Variants in SPP2 observed in about 807,000 individuals in gnomAD.
The protein encoded by SPP2 is secreted phosphoprotein 2.
A neutral mutation model predicts 28.8 loss-of-function variants in SPP2; 34 were observed. The observed-to-expected ratio is 1.18, with a 90% CI of 0.90 to 1.57. The LOEUF is 1.57. SPP2 is among the 40% of genes most tolerant of loss of function. The pLI is 0.00. For synonymous variants in SPP2, 96 were observed against 89.4 expected (o/e 1.07, Z -0.42); for missense variants, 269 against 263.9 (o/e 1.02, Z -0.13).
rs187997065 is a variant in SPP2 at position 234,062,191 on chromosome 2, T to C, written c.444+1712T>C. ...GGTGCCCACTAAGCAGGAATTACCC[T>C]ATCAGGCAGGCACTGGGGGCCACAT... On this transcript the variant is annotated intron_variant, in intron 4 of 7. Transcript: ENST00000168148. Among the ~76,000 whole-genome samples the C allele has an allele frequency of 8.7e-3, 1,324 of 151,938 alleles. 18 individuals carry two copies. The highest frequency in any genetic ancestry group is 0.031 in the African/African-American group (1,279 of 41,454).
chr2:234,051,550 G>A (rs767589586), intron 2 of SPP2, among the ~76,000 whole-genome samples: 7 of 152,186 alleles, frequency 4.6e-5, no homozygotes, highest in Non-Finnish European at 7.3e-5. Context: ...AGCTTTGGGA[G>A]CTAAAGAAAG....
intron 2 of SPP2, chr2:234,055,955 TTTGTTACATATATATACATG>T (rs1345204535): frequency 6.6e-6 from 1 of 152,108 alleles, no homozygotes; most frequent in Admixed American, 6.6e-5. Flanking sequence ...AACGTGCAGG[TTTGTTACATATATATACATG>T]TGCTATGTTG....
intron 7 of SPP2, among the ~76,000 whole-genome samples, chr2:234,075,176 G>C (rs1690872018): frequency 6.6e-6 from 1 of 152,138 alleles, no homozygotes; most frequent in Admixed American, 6.5e-5. Flanking sequence ...GAATGAGTGA[G>C]AAAGAACCAT....
intron 4 of SPP2, 41 bp downstream of exon 4, chr2:234,060,520 A>C: frequency 6.6e-7 from 1 of 1,514,282 alleles, no homozygotes; most frequent in South Asian, 1.1e-5. Flanking sequence ...CGCACCTCTT[A>C]GGGTCTGTGT....
chr2:234,053,838 G>A (rs1693549383), intron 2 of SPP2, among the ~76,000 whole-genome samples: 1 of 151,996 alleles, frequency 6.6e-6, no homozygotes, highest in Non-Finnish European at 1.5e-5. Flanking sequence ...GCCCTATGCT[G>A]GGGAGGGGGA....
At position 234,075,977 on chromosome 2, in the gene SPP2, T is replaced by C. The variant is rs186546694; in HGVS notation, c.*11-868T>C. On this transcript the variant is annotated intron_variant, in intron 7 of 7. Coordinates refer to ENST00000168148, the MANE Select transcript of SPP2 (RefSeq NM_006944.3). ...CTTGCTCCGAAATGTTTCACAGCTC[T>C]GTCCTTTTCGAGCTGTTGGCTCCAG... Among the ~76,000 whole-genome samples, 940 of 152,336 alleles carry C rather than the reference T, an allele frequency of 6.2e-3. 11 individuals are homozygous for C. Among genetic ancestry groups the C allele is most frequent in the African/African-American group, 0.02 (844 of 41,576 alleles).
In SPP2 at chr2:234,060,461, G is replaced by C. The variant is rs369042998; in HGVS notation, c.426G>C (p.Glu142Asp). The change falls in exon 4 of 8, where the codon GAG becomes GAC. Residue 142 changes from glutamate to aspartate, a missense_variant. By Grantham distance (45) the Glu-to-Asp change is conservative. Transcript: ENST00000168148. ...ARCSWSSSTS[E>D]SYSSEEMIFG... Reference sequence around the variant, plus strand: ...GCAGCTGGTCCTCCTCCACGTCTGAGTCTTACAGCAGCGAAGAGGTATGAC... The same window carrying C: ...GCAGCTGGTCCTCCTCCACGTCTGACTCTTACAGCAGCGAAGAGGTATGAC... 3 of 1,613,660 alleles carry C rather than the reference G, an allele frequency of 1.9e-6. No individual in the cohort carries two copies. Among genetic ancestry groups the C allele is most frequent in the Non-Finnish European group, 2.5e-6 (3 of 1,179,896 alleles).
At chr2:234,059,763 C>A (rs761920936) in intron 3 of SPP2, among the ~76,000 whole-genome samples, 1 of 152,150 alleles carries the variant, frequency 6.6e-6, no homozygotes, top group Non-Finnish European at 1.5e-5. Flanking sequence ...GTCATCATGG[C>A]AGATTGGCAT....
In SPP2 at chr2:234,058,705, G is replaced by A. The variant is rs1043845222; in HGVS notation, c.211-131G>A. 15 of 1,078,404 alleles carry A rather than the reference G, an allele frequency of 1.4e-5. No homozygotes were observed. In the South Asian group the frequency reaches 2.4e-4, roughly 17 times the overall value. 66.8% of individuals were successfully genotyped at this position (1,078,404 alleles called of 1,614,324 possible). A position where few individuals can be genotyped will look rare whatever the true frequency, so the allele number is the denominator to read the frequency against. ...AAGAAAGGCACGGAACTAGGTGATT[G>A]CTAAGATAATTTATTGCTTTCATGG... is the stretch of plus-strand genomic sequence containing the variant. On this transcript the variant is annotated intron_variant, in intron 2 of 7. Coordinates refer to ENST00000168148, the MANE Select transcript of SPP2 (RefSeq NM_006944.3).
At chr2:234,057,185 G>C (rs561167578) in intron 2 of SPP2, among the ~76,000 whole-genome samples, 1 of 152,072 alleles carries the variant, frequency 6.6e-6, no homozygotes, top group Non-Finnish European at 1.5e-5. Flanking sequence ...CAGCAGCCAC[G>C]GTGATTCACG....
At chr2:234,062,131 G>A (rs1349411115) in intron 4 of SPP2, among the ~76,000 whole-genome samples, 1 of 152,206 alleles carries the variant, frequency 6.6e-6, no homozygotes, top group Non-Finnish European at 1.5e-5. Flanking sequence ...CACAGTGCTA[G>A]CCTTTGTGGA....
intron 7 of SPP2, among the ~76,000 whole-genome samples, chr2:234,072,241 C>A (rs986577945): frequency 6.6e-6 from 1 of 152,128 alleles, no homozygotes; most frequent in Non-Finnish European, 1.5e-5. Flanking sequence ...ACCATTGAGG[C>A]CTTCTTGGAT....
rs768562382 is a variant in SPP2 at position 234,066,555 on chromosome 2, G to C, written c.467G>C (p.Gly156Ala). Residue 156 changes from glycine to alanine, a missense_variant, in exon 5 of 8, where the codon GGA becomes GCA. Coordinates refer to ENST00000168148, the MANE Select transcript of SPP2 (RefSeq NM_006944.3). ...TAGATGATTTTTGGGGACATGTTGG[G>C]ATCTCATAAATGGAGAAACAATTAT... is the stretch of plus-strand genomic sequence containing the variant. ...SEEMIFGDML[G>A]SHKWRNNYLF... 1 of 1,612,384 alleles carries C rather than the reference G, an allele frequency of 6.2e-7. No individual in the cohort carries two copies. The highest frequency in any genetic ancestry group is 8.5e-7 in the Non-Finnish European group (1 of 1,179,666).
At chr2:234,058,563 T>C (rs990614853) in intron 2 of SPP2, among the ~76,000 whole-genome samples, 2 of 152,230 alleles carry the variant, frequency 1.3e-5, no homozygotes, top group African/African-American at 4.8e-5. Flanking sequence ...CAATTGTCAC[T>C]GTAAAGTGTT....
chr2:234,074,100 T>G (rs532983725), intron 7 of SPP2, among the ~76,000 whole-genome samples: 1 of 152,188 alleles, frequency 6.6e-6, no homozygotes, highest in Non-Finnish European at 1.5e-5. Context: ...CCCTCAGAGA[T>G]AATGTTGGGA....
chr2:234,073,738 A>G (rs1690840063), intron 7 of SPP2, among the ~76,000 whole-genome samples: 1 of 152,178 alleles, frequency 6.6e-6, no homozygotes, highest in Admixed American at 6.5e-5. Flanking sequence ...CCCAAACCAT[A>G]GCTGCATGAG....
At chr2:234,057,367 C>T (rs963452416) in intron 2 of SPP2, among the ~76,000 whole-genome samples, 2 of 152,214 alleles carry the variant, frequency 1.3e-5, no homozygotes, top group Non-Finnish European at 2.9e-5. Flanking sequence ...GTTGTCCCTG[C>T]CCCAGGGCAT....
rs181185720 is a variant in SPP2, at chr2:234,055,572, T to C, written c.211-3264T>C. Among the ~76,000 whole-genome samples the C allele has an allele frequency of 1.5e-3, 230 of 152,316 alleles. 2 individuals carry two copies. Among genetic ancestry groups the C allele is most frequent in the African/African-American group, 5.2e-3 (216 of 41,572 alleles). The stretch of plus-strand genomic sequence containing the variant: ...GGAATTGCTATGGGTCTTTTATTTT[T>C]ATATATTTGTATTTCTTTTAAAAAT... On this transcript the variant is annotated intron_variant, in intron 2 of 7. Transcript: ENST00000168148.
intron 6 of SPP2, among the ~76,000 whole-genome samples, chr2:234,069,448 G>A (rs181298287): frequency 4.6e-5 from 7 of 152,268 alleles, no homozygotes; most frequent in Admixed American, 4.6e-4. Context: ...ATAAATTAAT[G>A]TGACCAATTC....
Sources: allele counts gnomAD v4.1 joint callset (sites outside exome capture counted in the v4.1 genomes callset), GRCh38; gene constraint gnomAD v4.1.1; transcripts MANE v1.5; gene names NCBI Gene and HGNC (gene_info 2026-07-23, HGNC 2026-07-21).